The following SIPA1L1 variants were observed in gnomAD, a reference collection of about 807,000 sequenced individuals.
SIPA1L1 encodes the protein signal-induced proliferation-associated 1-like protein 1.
SIPA1L1 carries 26 observed loss-of-function variants against 162.7 expected under a neutral mutation model. The observed-to-expected ratio is 0.16, with a 90% CI of 0.12 to 0.22. The LOEUF is 0.22. Ranked by LOEUF, SIPA1L1 falls within the 10% of genes least tolerant of loss-of-function variation. The pLI, the probability that SIPA1L1 is intolerant of heterozygous loss-of-function variation, is 1.00. For synonymous variants in SIPA1L1, 829 were observed against 837.4 expected, an observed-to-expected ratio of 0.99 and a Z score of 0.17; for missense variants, 1,874 against 2,241.0, an observed-to-expected ratio of 0.84 and a Z score of 3.31.
At chr14:71,554,211 G>C (rs1041497659) in intron 4 of SIPA1L1, among the ~76,000 whole-genome samples, 1 of 151,644 alleles carries the variant, frequency 6.6e-6, no homozygotes, top group African/African-American at 2.4e-5. Flanking sequence ...TCTTGATATT[G>C]AACCTTGGTT....
chr14:71,706,251 T>C, intron 16 of SIPA1L1, among the ~76,000 whole-genome samples: 1 of 152,198 alleles, frequency 6.6e-6, no homozygotes, highest in South Asian at 2.1e-4. Flanking sequence ...AGGCAAGTTG[T>C]GACAATGTGA....
At chr14:71,489,150 G>T (rs2049020948) in intron 2 of SIPA1L1, among the ~76,000 whole-genome samples, 1 of 152,204 alleles carries the variant, frequency 6.6e-6, no homozygotes, top group South Asian at 2.1e-4. Flanking sequence ...GTCAGATTTA[G>T]AACCCAACTT....
chr14:71,674,575 T>G (rs1596847087), intron 12 of SIPA1L1, among the ~76,000 whole-genome samples: 2 of 150,452 alleles, frequency 1.3e-5, no homozygotes, highest in African/African-American at 4.9e-5. Context: ...TTTTTGTTTT[T>G]TTTTTTTTAG....
At chr14:71,671,808 C>T in intron 11 of SIPA1L1, 116 bp downstream of exon 11, 4 of 737,826 alleles carry the variant, frequency 5.4e-6, no homozygotes, top group East Asian at 5.4e-5. Flanking sequence ...TGAAAACTCC[C>T]TTGATGTGTG....
intron 2 of SIPA1L1, among the ~76,000 whole-genome samples, chr14:71,387,064 C>T (rs1433222992): frequency 6.6e-6 from 1 of 152,036 alleles, no homozygotes; most frequent in Non-Finnish European, 1.5e-5. Flanking sequence ...GCCTGACCAA[C>T]ATGGAGAAAC....
intron 13 of SIPA1L1, among the ~76,000 whole-genome samples, chr14:71,694,552 T>C (rs908595674): frequency 2.0e-5 from 3 of 152,100 alleles, no homozygotes; most frequent in African/African-American, 7.2e-5. Context: ...ATGTTTAGTA[T>C]CAGTTATTTT....
chr14:71,325,316 A>T (rs539374027), intron 2 of SIPA1L1, among the ~76,000 whole-genome samples: 9 of 152,234 alleles, frequency 5.9e-5, no homozygotes, highest in Non-Finnish European at 8.8e-5. Flanking sequence ...TTCAAAGGTT[A>T]TATTTAAGTT....
chr14:71,374,676 G>C (rs1169449251), intron 2 of SIPA1L1, among the ~76,000 whole-genome samples: 3 of 147,570 alleles, frequency 2.0e-5, no homozygotes, highest in Non-Finnish European at 4.5e-5. Flanking sequence ...TTCTCTCTCT[G>C]AGGCAACCGT....
chr14:71,634,534 C>T (rs966793324), intron 7 of SIPA1L1, among the ~76,000 whole-genome samples: 6 of 151,676 alleles, frequency 4.0e-5, no homozygotes, highest in East Asian at 1.9e-4. Flanking sequence ...AAAGAACTGT[C>T]AACCCAGAAT....
At chr14:71,388,881 A>G (rs1013377534) in intron 2 of SIPA1L1, among the ~76,000 whole-genome samples, 17 of 152,164 alleles carry the variant, frequency 1.1e-4, no homozygotes, top group African/African-American at 3.9e-4. Flanking sequence ...AGGTTTGTTG[A>G]TTCTGTAGTC....
intron 20 of SIPA1L1, among the ~76,000 whole-genome samples, chr14:71,730,864 CT>C (rs1161236236): frequency 1.3e-5 from 2 of 152,192 alleles, no homozygotes; most frequent in African/African-American, 2.4e-5. Flanking sequence ...GCCTTGTTTG[CT>C]TTGTGACCCA....
At chr14:71,661,234 A>G (rs1335748761) in intron 9 of SIPA1L1, 76 bp from the exon 10 acceptor site, 7 of 1,470,464 alleles carry the variant, frequency 4.8e-6, no homozygotes, top group Non-Finnish European at 5.6e-6. Context: ...TTTTAAATAC[A>G]GCTATATAAG....
At chr14:71,472,681 T>C (rs2047553525) in intron 2 of SIPA1L1, among the ~76,000 whole-genome samples, 1 of 151,616 alleles carries the variant, frequency 6.6e-6, no homozygotes. Flanking sequence ...ATAAAATGTC[T>C]GAGATATATA....
intron 5 of SIPA1L1, among the ~76,000 whole-genome samples, chr14:71,598,663 T>C (rs1220024962): frequency 1.3e-5 from 2 of 152,144 alleles, no homozygotes; most frequent in African/African-American, 4.8e-5. Flanking sequence ...CTGAATGGGA[T>C]TGGGGGGATT....
At chr14:71,687,791 T>C (rs1314141836) in intron 13 of SIPA1L1, among the ~76,000 whole-genome samples, 1 of 152,172 alleles carries the variant, frequency 6.6e-6, no homozygotes, top group Non-Finnish European at 1.5e-5. Flanking sequence ...TGCATCTCAG[T>C]AAGTGCGCCT....
intron 2 of SIPA1L1, among the ~76,000 whole-genome samples, chr14:71,405,202 G>A (rs1286391267): frequency 6.6e-6 from 1 of 152,154 alleles, no homozygotes; most frequent in Non-Finnish European, 1.5e-5. Flanking sequence ...AGATTGACCA[G>A]GAAAGGTCCT....
At chr14:71,476,318 C>T (rs1279039328) in intron 2 of SIPA1L1, among the ~76,000 whole-genome samples, 1 of 152,196 alleles carries the variant, frequency 6.6e-6, no homozygotes, top group Admixed American at 6.5e-5. Flanking sequence ...ACATCAGTGT[C>T]TCAAAAGCCA....
At chr14:71,721,450 T>C (rs1236024874) in intron 17 of SIPA1L1, among the ~76,000 whole-genome samples, 1 of 152,160 alleles carries the variant, frequency 6.6e-6, no homozygotes, top group African/African-American at 2.4e-5. Context: ...CTACCACCAA[T>C]GATTACTCAA....
intron 2 of SIPA1L1, among the ~76,000 whole-genome samples, chr14:71,391,103 C>CTTTTTTTTTTTTTTTTTTTTTTT (rs36003254): frequency 9.2e-6 from 1 of 108,460 alleles, no homozygotes; most frequent in Non-Finnish European, 1.8e-5. Context: ...TATTCAGTAT[C>CTTTTTTTTTTTTTTTTTTTTTTT]TTTTTTTTTT....
Sources: allele counts gnomAD v4.1 joint callset (sites outside exome capture counted in the v4.1 genomes callset), GRCh38; gene constraint gnomAD v4.1.1; transcripts MANE v1.5; gene names NCBI Gene and HGNC (gene_info 2026-07-23, HGNC 2026-07-21).